Variants in SUMF1 observed in about 807,000 individuals in gnomAD.
SUMF1 encodes the protein sulfatase modifying factor 1, also known as formylglycine-generating enzyme.
In SUMF1, 48 loss-of-function variants were observed where a neutral mutation model predicts 47.6. The observed-to-expected ratio is 1.01, with a 90% confidence interval of 0.80 to 1.28. The LOEUF is 1.28. SUMF1 is among the 50% of genes most tolerant of loss of function. The pLI is 0.00. For missense variants in SUMF1, 571 were observed against 485.4 expected (o/e 1.18, Z -1.66); for synonymous variants, 230 against 192.1 (o/e 1.20, Z -1.63).
intron 8 of SUMF1, among the ~76,000 whole-genome samples, chr3:4,188,494 C>T (rs1487298636): frequency 6.6e-6 from 1 of 152,150 alleles, no homozygotes; most frequent in Non-Finnish European, 1.5e-5. Flanking sequence ...CGTTTTCATA[C>T]ACATGTTCTC....
intron 8 of SUMF1, among the ~76,000 whole-genome samples, chr3:4,276,473 A>G (rs1287502719): frequency 1.3e-5 from 2 of 152,312 alleles, no homozygotes; most frequent in East Asian, 3.9e-4. Context: ...TGTTTCCATT[A>G]AAAGAAGAAA....
intron 3 of SUMF1, among the ~76,000 whole-genome samples, chr3:4,440,352 T>C (rs1702544979): frequency 6.6e-6 from 1 of 152,172 alleles, no homozygotes; most frequent in African/African-American, 2.4e-5. Context: ...TTCTGAATAC[T>C]TTCTGGCTTA....
chr3:4,313,247 C>G (rs760510857), intron 8 of SUMF1: 3 of 1,613,878 alleles, frequency 1.9e-6, no homozygotes, highest in South Asian at 2.2e-5. Context: ...TGTGAATATG[C>G]TGGTGAGGTT....
At chr3:4,247,231 T>C (rs1696691221) in intron 8 of SUMF1, among the ~76,000 whole-genome samples, 1 of 152,186 alleles carries the variant, frequency 6.6e-6, no homozygotes, top group South Asian at 2.1e-4. Flanking sequence ...GCAACTTCCA[T>C]TGCAAAAATA....
At chr3:4,343,649 A>C (rs1360980816) in intron 8 of SUMF1, among the ~76,000 whole-genome samples, 2 of 152,194 alleles carry the variant, frequency 1.3e-5, no homozygotes, top group East Asian at 3.9e-4. Context: ...GGCTGTTCTC[A>C]AATTAGTTTT....
chr3:4,286,434 A>G (rs1697634155), intron 8 of SUMF1, among the ~76,000 whole-genome samples: 1 of 152,126 alleles, frequency 6.6e-6, no homozygotes, highest in African/African-American at 2.4e-5. Flanking sequence ...TATGCTGTGC[A>G]ACAATCAGCG....
chr3:4,082,486 T>TTAAC (rs1692582176), intron 8 of SUMF1, among the ~76,000 whole-genome samples: 1 of 151,918 alleles, frequency 6.6e-6, no homozygotes, highest in African/African-American at 2.4e-5. Flanking sequence ...AATTAAGTAA[T>TTAAC]TAATTAATTT....
chr3:4,450,757 T>G (rs1393735818), intron 2 of SUMF1, among the ~76,000 whole-genome samples: 2 of 152,064 alleles, frequency 1.3e-5, no homozygotes, highest in Non-Finnish European at 2.9e-5. Context: ...CTGAGATGAC[T>G]CAAGAATGAG....
At chr3:4,045,420 C>A (rs1574842878) in intron 9 of SUMF1, among the ~76,000 whole-genome samples, 2 of 151,690 alleles carry the variant, frequency 1.3e-5, no homozygotes, top group Non-Finnish European at 2.9e-5. Flanking sequence ...ATTCATCCAT[C>A]CATCTTTCTG....
intron 3 of SUMF1, 109 bp from the exon 4 acceptor site, chr3:4,420,255 T>G: frequency 1.2e-6 from 1 of 807,398 alleles, no homozygotes; most frequent in East Asian, 2.6e-5. Context: ...TCCATTTGGA[T>G]TACCAAACAA....
Position 4,079,528 on chromosome 3 carries a change from G to A in SUMF1, c.1015-10783C>T, listed in dbSNP as rs1298778534. On this transcript the variant is annotated intron_variant and NMD_transcript_variant, in intron 8 of 12. Transcript: ENST00000448413. Reference sequence around the variant, plus strand: ...TGGGCTCTGGGGTTAGATTTCCTAGGATCAAAGTCTTGCTTCACTGTTTGC... The same window carrying A: ...TGGGCTCTGGGGTTAGATTTCCTAGAATCAAAGTCTTGCTTCACTGTTTGC... Among the ~76,000 whole-genome samples, 6 of 151,878 alleles carry A rather than the reference G, an allele frequency of 4.0e-5. 1 individual carries two copies. In the South Asian group the frequency reaches 1.3e-3, roughly 32 times the overall value.
intron 8 of SUMF1, among the ~76,000 whole-genome samples, chr3:4,190,922 C>G (rs1046165289): frequency 2.0e-5 from 3 of 152,100 alleles, no homozygotes; most frequent in African/African-American, 7.2e-5. Context: ...ACAAAACACA[C>G]CAGGTTCCTG....
At chr3:4,100,496 C>T (rs1559470429) in intron 8 of SUMF1, among the ~76,000 whole-genome samples, 1 of 151,898 alleles carries the variant, frequency 6.6e-6, no homozygotes, top group Non-Finnish European at 1.5e-5. Flanking sequence ...TTTAAATGTC[C>T]TTCATCTCAC....
intron 8 of SUMF1, among the ~76,000 whole-genome samples, chr3:4,318,691 T>G (rs920282479): frequency 6.6e-6 from 1 of 152,170 alleles, no homozygotes; most frequent in Admixed American, 6.5e-5. Flanking sequence ...ACAGATCACC[T>G]GAGGTCAGGA....
chr3:4,254,411 G>T (rs313662), intron 8 of SUMF1, among the ~76,000 whole-genome samples: 1 of 149,506 alleles, frequency 6.7e-6, no homozygotes, highest in Non-Finnish European at 1.5e-5. Context: ...ATACAGAGAA[G>T]TGCTTAAAGG....
chr3:4,078,179 A>T (rs1692480780), intron 8 of SUMF1, among the ~76,000 whole-genome samples: 1 of 152,088 alleles, frequency 6.6e-6, no homozygotes, highest in African/African-American at 2.4e-5. Context: ...CAGGGTTCAA[A>T]AGTGCAATCT....
chr3:4,143,005 C>T (rs1694108399), intron 8 of SUMF1, among the ~76,000 whole-genome samples: 1 of 152,072 alleles, frequency 6.6e-6, no homozygotes, highest in African/African-American at 2.4e-5. Context: ...ACAAAGAATA[C>T]TCTGACAAAG....
At chr3:4,289,277 C>G (rs996019784) in intron 8 of SUMF1, among the ~76,000 whole-genome samples, 2 of 152,230 alleles carry the variant, frequency 1.3e-5, no homozygotes, top group Non-Finnish European at 2.9e-5. Flanking sequence ...TCCTCCTTCT[C>G]TTAGCACTTA....
intron 8 of SUMF1, among the ~76,000 whole-genome samples, chr3:4,096,514 C>T (rs139639547): frequency 5.1e-4 from 78 of 152,190 alleles, no homozygotes; most frequent in African/African-American, 1.7e-3. Flanking sequence ...CAAACATCAG[C>T]CTATGGACTC....
Sources: allele counts gnomAD v4.1 joint callset (sites outside exome capture counted in the v4.1 genomes callset), GRCh38; gene constraint gnomAD v4.1.1; transcripts MANE v1.5; gene names NCBI Gene and HGNC (gene_info 2026-07-23, HGNC 2026-07-21).